The following ADORA2B variants were observed in gnomAD, a reference collection of about 807,000 sequenced individuals.
The protein encoded by ADORA2B is adenosine A2b receptor.
A neutral mutation model predicts 20.8 loss-of-function variants in ADORA2B; 18 were observed. The ratio of observed to expected loss-of-function variants is 0.87; its 90% CI spans 0.60 to 1.29. ADORA2B has a LOEUF of 1.29. Among genes scored for constraint, ADORA2B ranks in the 50% most tolerant of loss-of-function variants. ADORA2B has a pLI of 0.00. For synonymous variants in ADORA2B, 179 were observed against 178.3 expected, an observed-to-expected ratio of 1.00 and a Z score of -0.03; for missense variants, 441 against 422.7, an observed-to-expected ratio of 1.04 and a Z score of -0.38.
intron 1 of ADORA2B, among the ~76,000 whole-genome samples, chr17:15,958,265 A>G (rs1334174266): frequency 1.3e-5 from 2 of 151,998 alleles, no homozygotes; most frequent in Non-Finnish European, 2.9e-5. Context: ...TGATCTGCCC[A>G]CCTCGGCCTT....
At chr17:15,954,010 G>T (rs1026549046) in intron 1 of ADORA2B, among the ~76,000 whole-genome samples, 1 of 150,796 alleles carries the variant, frequency 6.6e-6, no homozygotes. Flanking sequence ...ACAGAGTCTC[G>T]CTCTGTCGCC....
At chr17:15,964,146 G>A (rs981142387) in intron 1 of ADORA2B, among the ~76,000 whole-genome samples, 5 of 152,218 alleles carry the variant, frequency 3.3e-5, no homozygotes, top group East Asian at 1.9e-4. Context: ...CCCTCAGGAC[G>A]CAGATGGCAG....
the ADORA2B span, among the ~76,000 whole-genome samples, chr17:15,920,719 CAAA>C: frequency 3.4e-5 from 3 of 89,368 alleles, no homozygotes; most frequent in Non-Finnish European, 4.8e-5. Context: ...GACTCCGTCT[CAAA>C]AAAAAAAAAA....
At chr17:15,965,400 C>T (rs1380538583) in intron 1 of ADORA2B, among the ~76,000 whole-genome samples, 1 of 152,110 alleles carries the variant, frequency 6.6e-6, no homozygotes, top group Non-Finnish European at 1.5e-5. Flanking sequence ...GCTCATCCTT[C>T]AGTGGAAAGA....
At chr17:15,910,233 C>A in the ADORA2B span, among the ~76,000 whole-genome samples, 1 of 152,156 alleles carries the variant, frequency 6.6e-6, no homozygotes, top group African/African-American at 2.4e-5. Context: ...CAAGCTTGTC[C>A]AACCCATGAC....
At chr17:15,917,460 C>T in the ADORA2B span, among the ~76,000 whole-genome samples, 37 of 152,342 alleles carry the variant, frequency 2.4e-4, no homozygotes, top group African/African-American at 8.4e-4. Context: ...CTCAGGGCTG[C>T]GGCCGCCCAT....
chr17:15,928,362 T>C, the ADORA2B span, among the ~76,000 whole-genome samples: 5 of 151,732 alleles, frequency 3.3e-5, no homozygotes, highest in Non-Finnish European at 5.9e-5. Flanking sequence ...TTTTTTTTTT[T>C]CTGAAAGTAT....
the ADORA2B span, among the ~76,000 whole-genome samples, chr17:15,925,295 C>T: frequency 1.3e-5 from 2 of 152,224 alleles, no homozygotes; most frequent in East Asian, 3.9e-4. Flanking sequence ...CTCAGCCTCC[C>T]AGAGTGCTGG....
upstream of ADORA2B, among the ~76,000 whole-genome samples, chr17:15,942,043 C>T (rs780461070): frequency 7.9e-5 from 12 of 151,984 alleles, no homozygotes; most frequent in East Asian, 1.9e-4. Flanking sequence ...TGAGGGACAC[C>T]GGGGACCTGA....
At chr17:15,898,838 G>A in the ADORA2B span, among the ~76,000 whole-genome samples, 1 of 152,126 alleles carries the variant, frequency 6.6e-6, no homozygotes. Context: ...AAGTCACTTA[G>A]GAGTGTTTGT....
chr17:15,934,466 T>C, the ADORA2B span, among the ~76,000 whole-genome samples: 66 of 152,170 alleles, frequency 4.3e-4, no homozygotes, highest in Non-Finnish European at 5.1e-4. Context: ...CCTTGTGATC[T>C]GCCCACCTTG....
At position 15,975,414 on chromosome 17, in the gene ADORA2B, T is replaced by G; in HGVS notation, c.*72T>G. 1 of 1,487,522 alleles carries G rather than the reference T, an allele frequency of 6.7e-7. No individual in the cohort carries two copies. 92.1% of individuals were successfully genotyped at this position (1,487,522 alleles called of 1,614,324 possible). ...CAAAGAGGACACGGCTGGTTTTCATTGTGAAAGATAGCTACACCTCACAAG... is the reference window on the plus strand; with the variant it reads ...CAAAGAGGACACGGCTGGTTTTCATGGTGAAAGATAGCTACACCTCACAAG... On this transcript the variant is annotated 3_prime_UTR_variant, in exon 2 of 2. Transcript: ENST00000304222.
At chr17:15,939,053 T>C in the ADORA2B span, among the ~76,000 whole-genome samples, 40 of 152,254 alleles carry the variant, frequency 2.6e-4, 1 homozygote, top group East Asian at 3.9e-3. Context: ...TATTATTTAT[T>C]TTTTTGAGGC....
chr17:15,864,633 G>C, the ADORA2B span, among the ~76,000 whole-genome samples: 13,987 of 152,172 alleles, frequency 0.092, 1,794 homozygotes, highest in African/African-American at 0.29. Context: ...GAGAACGTGA[G>C]GGGGAGGGGA....
the ADORA2B span, among the ~76,000 whole-genome samples, chr17:15,910,392 G>A: frequency 6.6e-6 from 1 of 151,806 alleles, no homozygotes; most frequent in Non-Finnish European, 1.5e-5. Flanking sequence ...CCATCTCCTC[G>A]GTTCAAGTGA....
the ADORA2B span, among the ~76,000 whole-genome samples, chr17:15,860,155 A>C: frequency 6.6e-6 from 1 of 152,118 alleles, no homozygotes; most frequent in African/African-American, 2.4e-5. Flanking sequence ...CGACCCTCTC[A>C]CGTGGACCCC....
At chr17:15,935,929 TC>T in the ADORA2B span, among the ~76,000 whole-genome samples, 1 of 150,940 alleles carries the variant, frequency 6.6e-6, no homozygotes, top group Non-Finnish European at 1.5e-5. Flanking sequence ...GGTGGTGTCG[TC>T]ATTTTGGCTC....
At chr17:15,930,947 G>A in the ADORA2B span, among the ~76,000 whole-genome samples, 1 of 152,186 alleles carries the variant, frequency 6.6e-6, no homozygotes. Context: ...TAAATTCACT[G>A]GGAAGGATGA....
At chr17:15,947,029 G>A (rs1287793290) in intron 1 of ADORA2B, among the ~76,000 whole-genome samples, 1 of 152,204 alleles carries the variant, frequency 6.6e-6, no homozygotes. Flanking sequence ...AGCAGGAACA[G>A]GAGCCTCCTG....
Sources: gnomAD v4.1 joint callset for allele counts (sites outside exome capture counted in the v4.1 genomes callset) on GRCh38, gnomAD v4.1.1 for gene constraint, MANE v1.5 for transcripts, NCBI Gene and HGNC (gene_info 2026-07-23, HGNC 2026-07-21) for gene names.